DENND2B: variants seen among roughly 807,000 people sequenced by gnomAD.
DENND2B encodes DENN domain-containing protein 2B.
DENND2B carries 32 observed loss-of-function variants against 116.0 expected under a neutral mutation model. The observed-to-expected ratio is 0.28, with a 90% CI of 0.21 to 0.37. The LOEUF (loss-of-function observed/expected upper bound fraction) is 0.37, where lower values mean the gene tolerates loss of function less well. Among genes scored for constraint, DENND2B ranks in the 10% least tolerant of loss-of-function variants. The pLI, the probability that DENND2B is intolerant of heterozygous loss-of-function variation, is 1.00. For missense variants in DENND2B, 1,276 were observed against 1,477.7 expected (o/e 0.86, Z 2.24); for synonymous variants, 588 against 583.9 (o/e 1.01, Z -0.10).
rs117118858 is a variant in DENND2B at position 8,694,618 on chromosome 11, A to T, written c.3380-488T>A. ...TAAATACAGCCTGTCCTCCATATCC[A>T]TGAGTTCTGCGTCCATGGGTTCCAT... On this transcript the variant is annotated intron_variant, in intron 19 of 19. Transcript: ENST00000313726. 8.4e-3 allele frequency: 3,855 copies of T among 456,462 alleles called. 107 individuals carry two copies. Among genetic ancestry groups the T allele is most frequent in the Admixed American group, 0.061 (2,594 of 42,552 alleles). 28.3% of individuals were successfully genotyped at this position (456,462 alleles called of 1,614,324 possible). A position where few individuals can be genotyped will look rare whatever the true frequency, so the allele number is the denominator to read the frequency against.
At chr11:8,899,029 A>G (rs2262323) in intron 1 of DENND2B, among the ~76,000 whole-genome samples, 136,549 of 152,090 alleles carry the variant, frequency 0.9, 63,103 homozygotes, top group East Asian at 1. Context: ...ATTATAAAAC[A>G]AAACAAATTA....
upstream of DENND2B, among the ~76,000 whole-genome samples, chr11:8,876,264 T>A (rs1183856244): frequency 6.6e-6 from 1 of 152,114 alleles, no homozygotes; most frequent in African/African-American, 2.4e-5. Flanking sequence ...CTTGTCAAGC[T>A]GGTAAATCTC....
Position 8,723,019 on chromosome 11 carries a change from A to T in DENND2B, c.1477+3054T>A, listed in dbSNP as rs531529370. Among the ~76,000 whole-genome samples, 4 of 152,130 alleles carry T rather than the reference A, an allele frequency of 2.6e-5. No individual in the cohort carries two copies. The South Asian group carries it at 6.2e-4, about 24-fold the overall frequency. The stretch of plus-strand genomic sequence containing the variant: ...GCTCCCATATTTTTTTTAACTCCTC[A>T]TGCAACACCCAGAGTGGAAGAGAGT... On this transcript the variant is annotated intron_variant, in intron 4 of 19. Coordinates refer to ENST00000313726, the MANE Select transcript of DENND2B (RefSeq NM_213618.2).
intron 1 of DENND2B, among the ~76,000 whole-genome samples, chr11:8,907,637 T>C (rs978518143): frequency 3.9e-5 from 6 of 152,212 alleles, no homozygotes; most frequent in Non-Finnish European, 7.3e-5. Context: ...GTAGTTACAA[T>C]TGAATATTCA....
chr11:8,739,620 G>C (rs1290156139), intron 2 of DENND2B, among the ~76,000 whole-genome samples: 1 of 152,226 alleles, frequency 6.6e-6, no homozygotes, highest in Non-Finnish European at 1.5e-5. Flanking sequence ...TGTAGAACTG[G>C]GCACTTGTGC....
rs775792363 is a variant in DENND2B, at chr11:8,730,726, C to T, written c.564G>A (p.Arg188=). The change falls in exon 3 of 20, where the codon CGG becomes CGA. Residue 188 remains arginine (R), a synonymous_variant. Coordinates refer to ENST00000313726, the MANE Select transcript of DENND2B (RefSeq NM_213618.2). The surrounding 1 kb of genome is among the most constrained non-coding windows in gnomAD (Gnocchi z 4.1). ...SPRMSMCGEK[R]EGSGSEWAAS... ...CCGCCCACTCGCTCCCAGAGCCCTC[C>T]CGCTTCTCTCCACACATGCTCATCC... 1.2e-6 allele frequency: 2 copies of T among 1,612,358 alleles called. No individual in the cohort carries two copies. The highest frequency in any genetic ancestry group is 3.3e-5 in the Admixed American group (2 of 60,016).
rs1401881065 is a variant in DENND2B, at chr11:8,693,910, A to C, written c.*186T>G. The C allele has an allele frequency of 1.1e-5, 6 of 560,006 alleles. No homozygotes were observed. The highest frequency in any genetic ancestry group is 1.9e-5 in the Non-Finnish European group (6 of 322,238). 34.7% of individuals were successfully genotyped at this position (560,006 alleles called of 1,614,324 possible). A position where few individuals can be genotyped will look rare whatever the true frequency, so the allele number is the denominator to read the frequency against. ...CTTTGCTTGTTACAAAAAACAGTTA[A>C]GAAAGCTTACAGCAGATTATTTACA... On this transcript the variant is annotated 3_prime_UTR_variant, in exon 20 of 20. Coordinates refer to ENST00000313726, the MANE Select transcript of DENND2B (RefSeq NM_213618.2).
intron 4 of DENND2B, among the ~76,000 whole-genome samples, chr11:8,719,316 CTAACAGAG>C (rs2045714950): frequency 6.6e-6 from 1 of 152,196 alleles, no homozygotes; most frequent in Non-Finnish European, 1.5e-5. Flanking sequence ...AGGAAATGCT[CTAACAGAG>C]TTAGGGTGTG....
chr11:8,888,303 A>T (rs773348756), intron 1 of DENND2B, among the ~76,000 whole-genome samples: 2 of 152,180 alleles, frequency 1.3e-5, no homozygotes, highest in Non-Finnish European at 2.9e-5. Flanking sequence ...TTCAAATGTC[A>T]GTGATCTGTG....
chr11:8,693,779 G>C lies in DENND2B; in HGVS notation c.*317C>G, dbSNP rs930976183. ...AGTGGTTTGGCTGAGACAGTCAGCT[G>C]CACAAAACTGGCCAGTCACGAGCAC... On this transcript the variant is annotated 3_prime_UTR_variant, in exon 20 of 20. Transcript: ENST00000313726. 19 of 305,448 alleles carry C rather than the reference G, an allele frequency of 6.2e-5. No individual in the cohort carries two copies. Among genetic ancestry groups the C allele is most frequent in the African/African-American group, 4.2e-4 (19 of 45,752 alleles). The allele number at this position is 305,448 out of a possible 1,614,324, so 18.9% of individuals were successfully genotyped here.
intron 1 of DENND2B, among the ~76,000 whole-genome samples, chr11:8,778,581 C>T (rs954509242): frequency 4.6e-5 from 7 of 152,246 alleles, no homozygotes; most frequent in Non-Finnish European, 8.8e-5. Flanking sequence ...TGCTGCTCCC[C>T]GCCTGCTTCC....
intron 2 of DENND2B, among the ~76,000 whole-genome samples, chr11:8,867,100 T>TA (rs2063607636): frequency 6.6e-6 from 1 of 152,214 alleles, no homozygotes; most frequent in Non-Finnish European, 1.5e-5. Flanking sequence ...TGCTAGGGGA[T>TA]ATTCCTTGGC....
chr11:8,832,764 A>G (rs1222636627), intron 4 of DENND2B, among the ~76,000 whole-genome samples: 1 of 152,218 alleles, frequency 6.6e-6, no homozygotes, highest in Non-Finnish European at 1.5e-5. Context: ...GGTTCTCACA[A>G]CAAGGATTCT....
chr11:8,830,254 G>A (rs188207188), intron 4 of DENND2B, among the ~76,000 whole-genome samples: 79 of 152,218 alleles, frequency 5.2e-4, no homozygotes, highest in African/African-American at 1.8e-3. Flanking sequence ...GTAGATCATC[G>A]CCGTGACACT....
intron 3 of DENND2B, among the ~76,000 whole-genome samples, chr11:8,839,723 C>CA (rs145514513): frequency 0.021 from 3,148 of 152,256 alleles, 42 homozygotes; most frequent in Middle Eastern, 0.034. Flanking sequence ...CCATTCTACT[C>CA]AAAGTGCCAG....
At chr11:8,714,804 A>G (rs1400072287) in intron 6 of DENND2B, 98 bp from the exon 7 acceptor site, 2 of 1,051,566 alleles carry the variant, frequency 1.9e-6, no homozygotes, top group East Asian at 2.5e-5. Context: ...TTAATGGTAC[A>G]AGCTTTCTGC....
chr11:8,842,675 A>G (rs950896866), intron 3 of DENND2B, among the ~76,000 whole-genome samples: 1 of 152,090 alleles, frequency 6.6e-6, no homozygotes, highest in African/African-American at 2.4e-5. Flanking sequence ...ATTTTTTGGG[A>G]CTGCTCACAG....
rs1370281218 is a variant in DENND2B, at chr11:8,712,903, C to T, written c.1988-168G>A. Among the ~76,000 whole-genome samples, 1 of 152,184 alleles carries T rather than the reference C, an allele frequency of 6.6e-6. No individual in the cohort carries two copies. Among genetic ancestry groups the T allele is most frequent in the Non-Finnish European group, 1.5e-5 (1 of 68,032 alleles). ...AGGACCGGCAGGCACAAGGTGCTGACCCCTGCACAAAGACTCTGCCCTGAC... is the reference window on the plus strand; with the variant it reads ...AGGACCGGCAGGCACAAGGTGCTGATCCCTGCACAAAGACTCTGCCCTGAC... On this transcript the variant is annotated intron_variant, in intron 8 of 19. Transcript: ENST00000313726. The surrounding 1 kb of genome is among the most constrained non-coding windows in gnomAD (Gnocchi z 4.4).
At chr11:8,798,828 CTTT>C (rs200890965) in intron 1 of DENND2B, among the ~76,000 whole-genome samples, 3 of 134,178 alleles carry the variant, frequency 2.2e-5, no homozygotes, top group African/African-American at 2.8e-5. Context: ...TTTCCGGTTG[CTTT>C]TTTTTTTTTT....
Sources: gnomAD v4.1 joint callset for allele counts (sites outside exome capture counted in the v4.1 genomes callset) on GRCh38, gnomAD v4.1.1 for gene constraint, Gnocchi (gnomAD v3.1) non-coding constraint, MANE v1.5 for transcripts, NCBI Gene and HGNC (gene_info 2026-07-23, HGNC 2026-07-21) for gene names.